SPEF2: variants seen among roughly 807,000 people sequenced by gnomAD.
SPEF2 encodes the protein sperm flagellar and cilia associated 2.
A neutral mutation model predicts 224.6 loss-of-function variants in SPEF2; 187 were observed. The observed-to-expected ratio is 0.83, with a 90% CI of 0.74 to 0.94. The LOEUF (loss-of-function observed/expected upper bound fraction) is 0.94. Ranked by LOEUF, SPEF2 falls within the 40% of genes least tolerant of loss-of-function variation. The probability of loss-of-function intolerance (pLI) is 0.00; values close to 1 mark genes in which losing one functional copy is unlikely to be tolerated. For missense variants in SPEF2, 2,170 were observed against 2,135.6 expected (o/e 1.02, Z -0.32); for synonymous variants, 715 against 707.3 (o/e 1.01, Z -0.17).
At chr5:35,679,723 G>A (rs895060490) in intron 10 of SPEF2, among the ~76,000 whole-genome samples, 1 of 152,188 alleles carries the variant, frequency 6.6e-6, no homozygotes, top group Non-Finnish European at 1.5e-5. Flanking sequence ...CAGCCCAGGT[G>A]CTTGGATTTT....
chr5:35,629,151 CTTTTTTTTTTTTTT>C (rs768077049), intron 2 of SPEF2, among the ~76,000 whole-genome samples: 12 of 88,344 alleles, frequency 1.4e-4, no homozygotes, highest in Non-Finnish European at 1.9e-4. Context: ...TCGATTGTTC[CTTTTTTTTTTTTTT>C]TTTTTTTTTT....
chr5:35,716,882 T>C (rs1017706253), intron 20 of SPEF2, among the ~76,000 whole-genome samples: 10 of 152,216 alleles, frequency 6.6e-5, no homozygotes, highest in African/African-American at 2.4e-4. Flanking sequence ...TAATTCCTGC[T>C]GTCGATGTCT....
At chr5:35,693,937 T>G (rs1754899885) in intron 12 of SPEF2, among the ~76,000 whole-genome samples, 1 of 152,202 alleles carries the variant, frequency 6.6e-6, no homozygotes, top group Non-Finnish European at 1.5e-5. Flanking sequence ...GTGACTGACA[T>G]CTCTAGGATT....
chr5:35,740,298 T>C, intron 23 of SPEF2, 31 bp downstream of exon 23: 1 of 1,610,976 alleles, frequency 6.2e-7, no homozygotes, highest in South Asian at 1.1e-5. Flanking sequence ...TGGGACAGGG[T>C]TAGCTGGCTT....
At position 35,661,131 on chromosome 5, in the gene SPEF2, A is replaced by T. The variant is rs375095661; in HGVS notation, c.1167+1924A>T. Among the ~76,000 whole-genome samples the T allele has an allele frequency of 6.6e-5, 10 of 151,620 alleles. No homozygotes were observed. The East Asian group carries it at 1.4e-3, about 21-fold the overall frequency. ...AATAAATGTTGAATTCAGTTTGCCA[A>T]ATTAACAGTCACCTCTTCTTTCCAG... On this transcript the variant is annotated intron_variant, in intron 8 of 36. Coordinates refer to ENST00000356031, the MANE Select transcript of SPEF2 (RefSeq NM_024867.4).
At chr5:35,660,527 A>G (rs1396949835) in intron 8 of SPEF2, among the ~76,000 whole-genome samples, 2 of 152,232 alleles carry the variant, frequency 1.3e-5, no homozygotes, top group East Asian at 1.9e-4. Flanking sequence ...TTTGTGGAAC[A>G]GGCATAGCCT....
intron 36 of SPEF2, among the ~76,000 whole-genome samples, chr5:35,810,348 A>G (rs1378600820): frequency 5.9e-5 from 9 of 152,066 alleles, no homozygotes; most frequent in Admixed American, 1.3e-4. Context: ...AGTAGCTGGG[A>G]TGACAGGTGC....
At position 35,800,063 on chromosome 5, in the gene SPEF2, G is replaced by A. The variant is rs201846892; in HGVS notation, c.4926G>A (p.Val1642=). 1 of 1,614,066 alleles carries A rather than the reference G, an allele frequency of 6.2e-7. No homozygotes were observed. The highest frequency in any genetic ancestry group is 1.7e-5 in the Admixed American group (1 of 60,016). The change falls in exon 34 of 37, where the codon GTG becomes GTA. Residue 1642 remains valine, a synonymous_variant. Coordinates refer to ENST00000356031, the MANE Select transcript of SPEF2 (RefSeq NM_024867.4). Reference sequence around the variant, plus strand: ...ACTTTGCTTGCCACCCAGACACCGTGGAAGGAGTCTACAGGGCCCTCAGTG... The same window carrying A: ...ACTTTGCTTGCCACCCAGACACCGTAGAAGGAGTCTACAGGGCCCTCAGTG... ...LLYFACHPDT[V]EGVYRALSVA...
intron 25 of SPEF2, among the ~76,000 whole-genome samples, chr5:35,762,222 G>A (rs376320350): frequency 1.9e-4 from 29 of 152,228 alleles, no homozygotes; most frequent in East Asian, 7.7e-4. Context: ...TAGTGAGAGA[G>A]CTACCTACAT....
chr5:35,654,349 T>C (rs1748662522), intron 6 of SPEF2, among the ~76,000 whole-genome samples, 191 bp from the exon 7 acceptor site: 1 of 151,790 alleles, frequency 6.6e-6, no homozygotes, highest in African/African-American at 2.4e-5. Context: ...AGAAATGGGG[T>C]GAAGCAAATG....
At chr5:35,794,886 T>G (rs1487216004) in intron 32 of SPEF2, among the ~76,000 whole-genome samples, 1 of 152,178 alleles carries the variant, frequency 6.6e-6, no homozygotes, top group Non-Finnish European at 1.5e-5. Flanking sequence ...AGTTGTTTTC[T>G]GAGCTCTGCC....
At chr5:35,618,385 G>A (rs1413877438) in intron 1 of SPEF2, among the ~76,000 whole-genome samples, 1 of 152,174 alleles carries the variant, frequency 6.6e-6, no homozygotes, top group Non-Finnish European at 1.5e-5. Flanking sequence ...GTTTAGGAAG[G>A]TCTCCTTTGC....
intron 21 of SPEF2, among the ~76,000 whole-genome samples, chr5:35,729,245 C>T (rs1229920415): frequency 6.6e-6 from 1 of 151,374 alleles, no homozygotes; most frequent in East Asian, 1.9e-4. Flanking sequence ...TTAGATTATT[C>T]CCTCCCCTCC....
intron 21 of SPEF2, among the ~76,000 whole-genome samples, chr5:35,730,896 T>G (rs1337983219): frequency 6.6e-6 from 1 of 152,178 alleles, no homozygotes; most frequent in African/African-American, 2.4e-5. Flanking sequence ...ATCCCGATTA[T>G]GTACCAAAGA....
At chr5:35,733,788 T>TA (rs369958797) in intron 21 of SPEF2, among the ~76,000 whole-genome samples, 1,878 of 147,706 alleles carry the variant, frequency 0.013, 38 homozygotes, top group African/African-American at 0.041. Flanking sequence ...GTGAATTGTT[T>TA]AAAAAAAAAA....
At chr5:35,736,094 C>T (rs951774432) in intron 21 of SPEF2, among the ~76,000 whole-genome samples, 15 of 152,176 alleles carry the variant, frequency 9.9e-5, no homozygotes, top group Admixed American at 7.2e-4. Flanking sequence ...TCAACGTAAG[C>T]TTCAAGATTA....
chr5:35,701,073 G>A (rs969747345), intron 16 of SPEF2, among the ~76,000 whole-genome samples: 3 of 152,092 alleles, frequency 2.0e-5, no homozygotes, highest in African/African-American at 7.2e-5. Context: ...TGTCTAGCGT[G>A]TTTTCGTGGG....
At chr5:35,808,028 T>G in intron 36 of SPEF2, 20 of 1,157,508 alleles carry the variant, frequency 1.7e-5, no homozygotes, top group Admixed American at 4.2e-5. Flanking sequence ...TAAAAGCGCT[T>G]TCACTTTGAT....
chr5:35,677,123 A>G (rs1752134429), intron 10 of SPEF2, among the ~76,000 whole-genome samples: 1 of 152,206 alleles, frequency 6.6e-6, no homozygotes, highest in Non-Finnish European at 1.5e-5. Flanking sequence ...TTTTGCAGTT[A>G]CAAGGTAGGC....
Sources: allele counts gnomAD v4.1 joint callset (sites outside exome capture counted in the v4.1 genomes callset), GRCh38; gene constraint gnomAD v4.1.1; transcripts MANE v1.5; gene names NCBI Gene and HGNC (gene_info 2026-07-23, HGNC 2026-07-21).